TPST2: variants seen among roughly 807,000 people sequenced by gnomAD.
TPST2 encodes protein-tyrosine sulfotransferase 2.
In TPST2, 16 loss-of-function variants were observed where a neutral mutation model predicts 27.8. The ratio of observed to expected loss-of-function variants is 0.58; its 90% CI spans 0.39 to 0.88. TPST2 has a LOEUF of 0.88. TPST2 is among the 40% of genes least tolerant of loss of function. TPST2 has a pLI of 0.00. For missense variants in TPST2, 464 were observed against 543.1 expected, an observed-to-expected ratio of 0.85 and a Z score of 1.45; for synonymous variants, 229 against 231.7, an observed-to-expected ratio of 0.99 and a Z score of 0.10.
intron 4 of TPST2, among the ~76,000 whole-genome samples, chr22:26,533,488 C>T (rs1225660226): frequency 3.3e-5 from 5 of 151,944 alleles, no homozygotes; most frequent in Admixed American, 2.0e-4. Flanking sequence ...GAGACCCAAA[C>T]GACAAGGAAA....
intron 5 of TPST2, 55 bp downstream of exon 5, chr22:26,532,640 G>A: frequency 6.4e-7 from 1 of 1,567,358 alleles, no homozygotes; most frequent in South Asian, 1.1e-5. Flanking sequence ...CATACAGCCA[G>A]ATGGTGGTAT....
At chr22:26,553,963 G>A (rs978208659) in intron 1 of TPST2, among the ~76,000 whole-genome samples, 3 of 151,988 alleles carry the variant, frequency 2.0e-5, no homozygotes, top group Non-Finnish European at 4.4e-5. Context: ...ATCCACTGTC[G>A]GCTGAATCCC....
intron 1 of TPST2, among the ~76,000 whole-genome samples, chr22:26,575,463 TC>T (rs35938139): frequency 0.21 from 31,904 of 151,996 alleles, 3,639 homozygotes; most frequent in Non-Finnish European, 0.24. Context: ...TCAAAGACCA[TC>T]TCCTTCCTGC....
At chr22:26,550,017 G>A (rs1390393284) in intron 1 of TPST2, among the ~76,000 whole-genome samples, 2 of 148,992 alleles carry the variant, frequency 1.3e-5, no homozygotes, top group East Asian at 3.9e-4. Context: ...TTCAGCCTGG[G>A]TGATGGAGCA....
Position 26,560,933 on chromosome 22 carries a change from T to C in TPST2, c.-160-16258A>G, listed in dbSNP as rs1046298629. On this transcript the variant is annotated intron_variant, in intron 1 of 6. Transcript: ENST00000338754. ...AACTGGGAGAGATGTGGAATAACAC[T>C]GCCGCAGATGACAAGCAGCCTTATG... 1.3e-5 allele frequency: 21 copies of C among 1,609,160 alleles called. No homozygotes were observed. In the African/African-American group the frequency reaches 2.3e-4, roughly 17 times the overall value.
At chr22:26,583,436 C>CAAAAAA (rs775047318) in intron 1 of TPST2, among the ~76,000 whole-genome samples, 12,207 of 63,096 alleles carry the variant, frequency 0.19, 1,127 homozygotes, top group Non-Finnish European at 0.23. Context: ...AACTCCATCT[C>CAAAAAA]AAAAAAAAAA....
chr22:26,535,747 T>C (rs555606098), intron 4 of TPST2: 28 of 266,060 alleles, frequency 1.1e-4, no homozygotes, highest in South Asian at 1.0e-3. Context: ...TGCACCCAGC[T>C]TGGGCAACAG....
chr22:26,531,789 AG>A (rs1925176582), intron 5 of TPST2, among the ~76,000 whole-genome samples: 1 of 152,168 alleles, frequency 6.6e-6, no homozygotes, highest in Admixed American at 6.6e-5. Flanking sequence ...TGGGGTGCGC[AG>A]GCTATCCACA....
chr22:26,555,152 A>G, intron 1 of TPST2: 1 of 532,526 alleles, frequency 1.9e-6, no homozygotes, highest in Non-Finnish European at 3.8e-6. Flanking sequence ...GAGCTGAGGG[A>G]ATTTGCATTT....
At chr22:26,529,438 G>A (rs1476944400) in intron 5 of TPST2, among the ~76,000 whole-genome samples, 1 of 152,172 alleles carries the variant, frequency 6.6e-6, no homozygotes, top group Non-Finnish European at 1.5e-5. Flanking sequence ...CCAGAAGGTT[G>A]GAACTTTAAG....
chr22:26,536,674 G>C (rs530264926), intron 3 of TPST2, among the ~76,000 whole-genome samples, 188 bp from the exon 4 acceptor site: 27 of 152,256 alleles, frequency 1.8e-4, no homozygotes, highest in Non-Finnish European at 3.8e-4. Flanking sequence ...TGTACAATGG[G>C]AACACAGCAT....
At chr22:26,532,360 G>A (rs552236864) in intron 5 of TPST2, among the ~76,000 whole-genome samples, 2 of 152,234 alleles carry the variant, frequency 1.3e-5, no homozygotes, top group East Asian at 1.9e-4. Flanking sequence ...AGCTCACTGC[G>A]ACCTCTGCCT....
At chr22:26,530,270 T>A (rs1382499359) in intron 5 of TPST2, among the ~76,000 whole-genome samples, 1 of 152,130 alleles carries the variant, frequency 6.6e-6, no homozygotes, top group Non-Finnish European at 1.5e-5. Flanking sequence ...CACCTGAATA[T>A]GCATTTTTAC....
At chr22:26,542,317 C>T (rs543693202) in intron 2 of TPST2, among the ~76,000 whole-genome samples, 2 of 151,296 alleles carry the variant, frequency 1.3e-5, no homozygotes, top group South Asian at 4.2e-4. Flanking sequence ...GACTCCTGGG[C>T]TCAAGCAATC....
At chr22:26,535,061 C>T (rs1292369502) in intron 4 of TPST2, among the ~76,000 whole-genome samples, 1 of 152,154 alleles carries the variant, frequency 6.6e-6, no homozygotes, top group Admixed American at 6.5e-5. Context: ...AGGGCACAGC[C>T]CCCAAAGCTC....
intron 1 of TPST2, among the ~76,000 whole-genome samples, chr22:26,580,026 C>T (rs1166914502): frequency 6.6e-6 from 1 of 152,060 alleles, no homozygotes; most frequent in African/African-American, 2.4e-5. Context: ...AGGTGGATTG[C>T]TTGAGCCCAG....
intron 4 of TPST2, 105 bp from the exon 5 acceptor site, chr22:26,532,850 C>T (rs1925245735): frequency 3.1e-6 from 3 of 960,810 alleles, no homozygotes; most frequent in Non-Finnish European, 3.2e-6. Flanking sequence ...TCGCCACCCA[C>T]CCATCCCTCC....
intron 1 of TPST2, among the ~76,000 whole-genome samples, chr22:26,546,072 G>A (rs1347650169): frequency 6.5e-5 from 9 of 137,918 alleles, no homozygotes; most frequent in African/African-American, 2.2e-4. Flanking sequence ...GCAAGACCAC[G>A]TCTCAAAAAA....
chr22:26,538,092 A>G (rs546970749), intron 3 of TPST2, among the ~76,000 whole-genome samples: 2 of 152,358 alleles, frequency 1.3e-5, no homozygotes, highest in South Asian at 4.1e-4. Context: ...GGGGCCTGAC[A>G]GGATGAATGG....
Sources: allele counts gnomAD v4.1 joint callset (sites outside exome capture counted in the v4.1 genomes callset), GRCh38; gene constraint gnomAD v4.1.1; transcripts MANE v1.5; gene names NCBI Gene and HGNC (gene_info 2026-07-23, HGNC 2026-07-21).